EYA1: variants seen among roughly 807,000 people sequenced by gnomAD.
The protein encoded by EYA1 is EYA transcriptional coactivator and phosphatase 1.
A neutral mutation model predicts 82.0 loss-of-function variants in EYA1; 16 were observed. The observed-to-expected ratio is 0.20, with a 90% CI of 0.13 to 0.30. The LOEUF is 0.30. EYA1 is among the 10% of genes least tolerant of loss of function. EYA1 has a pLI of 1.00. For missense variants in EYA1, 633 were observed against 730.7 expected, an observed-to-expected ratio of 0.87 and a Z score of 1.54; for synonymous variants, 261 against 264.4, an observed-to-expected ratio of 0.99 and a Z score of 0.12.
At chr8:71,399,879 T>A (rs879203920) in intron 2 of EYA1, among the ~76,000 whole-genome samples, 1 of 152,114 alleles carries the variant, frequency 6.6e-6, no homozygotes, top group Non-Finnish European at 1.5e-5. Flanking sequence ...GGAGGCATCA[T>A]GCTACCTGAC....
At chr8:71,450,123 TTTC>T (rs1160260871) in intron 2 of EYA1, among the ~76,000 whole-genome samples, 2 of 152,218 alleles carry the variant, frequency 1.3e-5, no homozygotes, top group Non-Finnish European at 2.9e-5. Context: ...GCTCTTTTGT[TTTC>T]TTATCATTCA....
At chr8:71,251,562 T>A (rs1292398174) in intron 11 of EYA1, among the ~76,000 whole-genome samples, 1 of 152,240 alleles carries the variant, frequency 6.6e-6, no homozygotes, top group Non-Finnish European at 1.5e-5. Flanking sequence ...CTGTTTTCAG[T>A]ACATCAAAGG....
At chr8:71,424,552 GA>G (rs555909688) in intron 2 of EYA1, among the ~76,000 whole-genome samples, 151 of 152,256 alleles carry the variant, frequency 9.9e-4, no homozygotes, top group African/African-American at 3.6e-3. Flanking sequence ...CCACTCACAT[GA>G]AAAAACTGCA....
intron 5 of EYA1, 95 bp from the exon 6 acceptor site, chr8:71,321,974 T>C (rs759454920): frequency 2.0e-6 from 3 of 1,536,154 alleles, no homozygotes; most frequent in Non-Finnish European, 1.8e-6. Flanking sequence ...CAGCTAAATA[T>C]TGTATCTTAA....
chr8:71,254,541 A>G (rs1814166818), intron 11 of EYA1, among the ~76,000 whole-genome samples: 1 of 152,160 alleles, frequency 6.6e-6, no homozygotes. Context: ...CTGGAGAAAA[A>G]CACTTTATAA....
intron 11 of EYA1, among the ~76,000 whole-genome samples, chr8:71,251,801 C>T (rs1813775490): frequency 6.7e-6 from 1 of 149,932 alleles, no homozygotes; most frequent in Non-Finnish European, 1.5e-5. Context: ...CCAGCATCAA[C>T]CCTGGTCCAC....
At chr8:71,443,147 A>G (rs982997572) in intron 2 of EYA1, among the ~76,000 whole-genome samples, 15 of 152,214 alleles carry the variant, frequency 9.9e-5, no homozygotes, top group Non-Finnish European at 1.9e-4. Flanking sequence ...CAGGACAGAA[A>G]GATAATGATG....
intron 12 of EYA1, 28 bp from the exon 13 acceptor site, chr8:71,217,051 C>A (rs1216646761): frequency 5.1e-6 from 8 of 1,569,140 alleles, no homozygotes; most frequent in Non-Finnish European, 7.0e-6. Context: ...TGATACATGT[C>A]AATTTTTTAA....
At chr8:71,420,810 A>G (rs1831106950) in intron 2 of EYA1, among the ~76,000 whole-genome samples, 1 of 152,066 alleles carries the variant, frequency 6.6e-6, no homozygotes, top group Admixed American at 6.6e-5. Flanking sequence ...GAAAGGCATC[A>G]CTCTTCTATA....
chr8:71,440,875 T>C (rs1414731927), intron 2 of EYA1, among the ~76,000 whole-genome samples: 5 of 152,042 alleles, frequency 3.3e-5, no homozygotes, highest in African/African-American at 1.2e-4. Context: ...CTTATGAAGG[T>C]ACCTAAAGGT....
intron 1 of EYA1, among the ~76,000 whole-genome samples, chr8:71,543,227 A>C (rs1296628429): frequency 1.3e-5 from 2 of 152,188 alleles, no homozygotes; most frequent in Non-Finnish European, 2.9e-5. Context: ...AACACCTCCT[A>C]ATATGTTAAA....
intron 2 of EYA1, among the ~76,000 whole-genome samples, chr8:71,524,429 CA>C (rs1813660331): frequency 6.6e-6 from 1 of 152,112 alleles, no homozygotes; most frequent in African/African-American, 2.4e-5. Context: ...TAATCAATCC[CA>C]AACCCAGTAT....
chr8:71,306,509 G>T (rs1208874955), intron 7 of EYA1, among the ~76,000 whole-genome samples: 1 of 152,058 alleles, frequency 6.6e-6, no homozygotes, highest in Non-Finnish European at 1.5e-5. Flanking sequence ...ATCTGGGCCT[G>T]GAGATGCCAC....
intron 11 of EYA1, among the ~76,000 whole-genome samples, chr8:71,245,621 G>C (rs1465305104): frequency 6.6e-6 from 1 of 151,760 alleles, no homozygotes; most frequent in South Asian, 2.1e-4. Context: ...TTCCAGTGTG[G>C]CCCAGGGAAG....
intron 9 of EYA1, among the ~76,000 whole-genome samples, chr8:71,280,912 C>A (rs558943628): frequency 6.6e-6 from 1 of 150,688 alleles, no homozygotes; most frequent in Non-Finnish European, 1.5e-5. Context: ...CCATCCCCAG[C>A]TAATTTTTAA....
rs766250677 is a variant in EYA1, at chr8:71,215,471, G to A, written c.1513C>T (p.Leu505Phe). The A allele has an allele frequency of 3.7e-6, 6 of 1,613,354 alleles. No individual in the cohort carries two copies. The highest frequency in any genetic ancestry group is 2.2e-5 in the East Asian group (1 of 44,870). The change falls in exon 16 of 18, where the codon CTC becomes TTC. Residue 505 changes from leucine (L) to phenylalanine (F), a missense_variant. Leu to Phe is a conservative substitution (Grantham distance 22). Coordinates refer to ENST00000340726, the MANE Select transcript of EYA1 (RefSeq NM_000503.6). Reference sequence around the variant, plus strand: ...AGGACTTTCGCCAATGCTGGGATGAGCTGAGTAGTTGTTACTAAAATATTC... The same window carrying A: ...AGGACTTTCGCCAATGCTGGGATGAACTGAGTAGTTGTTACTAAAATATTC... ...CVNILVTTTQ[L>F]IPALAKVLLY...
intron 16 of EYA1, among the ~76,000 whole-genome samples, chr8:71,213,451 A>G (rs984221107): frequency 1.3e-5 from 2 of 152,224 alleles, no homozygotes; most frequent in African/African-American, 4.8e-5. Context: ...CTTAATTGAT[A>G]TAGATGAAAA....
At chr8:71,417,316 C>A (rs1009361784) in intron 2 of EYA1, among the ~76,000 whole-genome samples, 3 of 152,114 alleles carry the variant, frequency 2.0e-5, no homozygotes. Flanking sequence ...CCCAGTAGTC[C>A]ACAACAGTAG....
chr8:71,329,094 G>A (rs537576591), intron 4 of EYA1, among the ~76,000 whole-genome samples: 7 of 152,182 alleles, frequency 4.6e-5, no homozygotes, highest in African/African-American at 9.6e-5. Context: ...TGAAGGGTGC[G>A]GAACTAACTA....
Sources: gnomAD v4.1 joint callset for allele counts (sites outside exome capture counted in the v4.1 genomes callset) on GRCh38, gnomAD v4.1.1 for gene constraint, MANE v1.5 for transcripts, NCBI Gene and HGNC (gene_info 2026-07-23, HGNC 2026-07-21) for gene names.